The following STX7 variants were observed in gnomAD, a reference collection of about 807,000 sequenced individuals.
The protein encoded by STX7 is syntaxin 7.
Under a neutral mutation model 39.6 loss-of-function variants are expected in STX7, and 34 were observed. The ratio of observed to expected loss-of-function variants is 0.86; its 90% confidence interval spans 0.65 to 1.14. STX7 has a LOEUF of 1.14. Among genes scored for constraint, STX7 ranks in the 50% most tolerant of loss-of-function variants. The probability of loss-of-function intolerance (pLI) is 0.00; values close to 1 mark genes in which losing one functional copy is unlikely to be tolerated. For synonymous variants in STX7, 119 were observed against 99.1 expected (o/e 1.20, Z -1.19); for missense variants, 284 against 310.4 (o/e 0.92, Z 0.64).
chr6:132,492,457 G>T (rs1478596553), intron 2 of STX7, among the ~76,000 whole-genome samples: 1 of 152,114 alleles, frequency 6.6e-6, no homozygotes, highest in Non-Finnish European at 1.5e-5. Flanking sequence ...ACTCCATAAA[G>T]GCAGGTATTT....
chr6:132,495,151 T>C (rs1245052828), intron 2 of STX7, among the ~76,000 whole-genome samples: 4 of 152,164 alleles, frequency 2.6e-5, no homozygotes, highest in Non-Finnish European at 1.5e-5. Flanking sequence ...CCTTGAAGCA[T>C]CTTGGAGCCA....
chr6:132,471,221 T>C (rs1774712751), intron 5 of STX7, among the ~76,000 whole-genome samples: 1 of 152,212 alleles, frequency 6.6e-6, no homozygotes, highest in African/African-American at 2.4e-5. Context: ...ACAAAATATG[T>C]CTCTATATTT....
rs71030800 is a variant in STX7 at position 132,448,837 on chromosome 6, CAAAAAAAAAAAAA to C, written c.*11908_*11920del. 1 of 72,380 alleles carries C rather than the reference CAAAAAAAAAAAAA, an allele frequency of 1.4e-5. No individual in the cohort carries two copies. Among genetic ancestry groups the C allele is most frequent in the Non-Finnish European group, 2.5e-5 (1 of 39,418 alleles). 4.5% of individuals were successfully genotyped at this position (72,380 alleles called of 1,614,324 possible). A position where few individuals can be genotyped will look rare whatever the true frequency, so the allele number is the denominator to read the frequency against. On this transcript the variant is annotated 3_prime_UTR_variant, in exon 10 of 10. Transcript: ENST00000367941. Reference sequence around the variant, plus strand: ...TGGGTGACAGAGCAAGACTCTGTCTCAAAAAAAAAAAAAAAAAAAAAAGGTCTGTCAATTCGTT... The same window carrying C: ...TGGGTGACAGAGCAAGACTCTGTCTCAAAAAAAAAGGTCTGTCAATTCGTT...
At chr6:132,500,218 C>T (rs142904643) in intron 2 of STX7, among the ~76,000 whole-genome samples, 183 of 110,260 alleles carry the variant, frequency 1.7e-3, no homozygotes, top group African/African-American at 6.1e-3. Context: ...TATGTCTCTC[C>T]TCTGCTTAAA....
In STX7 at chr6:132,447,730, T is replaced by C. The variant is rs991721666; in HGVS notation, c.*13028A>G. The stretch of plus-strand genomic sequence containing the variant: ...ATACAGCTATCCTAACCAGGTATAT[T>C]TGCTTGTTTTATTTTCCCTAATTCT... On this transcript the variant is annotated 3_prime_UTR_variant, in exon 10 of 10. Transcript: ENST00000367941. 1.3e-5 allele frequency: 2 copies of C among 152,158 alleles called. No individual in the cohort carries two copies. Among genetic ancestry groups the C allele is most frequent in the African/African-American group, 4.8e-5 (2 of 41,450 alleles). 9.4% of individuals were successfully genotyped at this position (152,158 alleles called of 1,614,324 possible).
In STX7 at chr6:132,448,538, GAA is replaced by G. The variant is rs1774066363; in HGVS notation, c.*12218_*12219del. 6.6e-6 allele frequency: 1 copy of G among 152,136 alleles called. No homozygotes were observed. The highest frequency in any genetic ancestry group is 1.5e-5 in the Non-Finnish European group (1 of 68,056). 9.4% of individuals were successfully genotyped at this position (152,136 alleles called of 1,614,324 possible). On this transcript the variant is annotated 3_prime_UTR_variant, in exon 10 of 10. Transcript: ENST00000367941. ...TCTTTTGCCTTCCAGTTTTGGCACT[GAA>G]AAGTCTACTGTTGGCCAGGTGCAGT...
rs1418408173 is a variant in STX7, at chr6:132,448,917, A to G, written c.*11841T>C. On this transcript the variant is annotated 3_prime_UTR_variant, in exon 10 of 10. Transcript: ENST00000367941. ...ATAAGTTATTCTGGCTGCTTTTAAG[A>G]TATCTTTGCCTTTATTGTTCTGAAG... 2.0e-5 allele frequency: 3 copies of G among 150,370 alleles called. No individual in the cohort carries two copies. The highest frequency in any genetic ancestry group is 6.6e-5 in the Admixed American group (1 of 15,072). 9.3% of individuals were successfully genotyped at this position (150,370 alleles called of 1,614,324 possible).
intron 2 of STX7, among the ~76,000 whole-genome samples, chr6:132,482,042 T>C (rs1775026465): frequency 1.3e-5 from 2 of 152,200 alleles, no homozygotes; most frequent in Admixed American, 1.3e-4. Context: ...ATTTTGGTTT[T>C]TCCAGAATTT....
upstream of STX7, chr6:132,513,229 G>C (rs1333020262): frequency 2.0e-5 from 3 of 152,316 alleles, no homozygotes; most frequent in Non-Finnish European, 4.4e-5. Context: ...CTAAGGAATG[G>C]GGGTATCAGC....
intron 1 of STX7, among the ~76,000 whole-genome samples, chr6:132,511,750 A>T (rs948668171): frequency 2.6e-5 from 4 of 152,070 alleles, no homozygotes; most frequent in Admixed American, 2.0e-4. Flanking sequence ...TTTTTTTCAT[A>T]CTTTCACACA....
At chr6:132,503,796 A>G (rs1684829268) in intron 1 of STX7, among the ~76,000 whole-genome samples, 1 of 152,186 alleles carries the variant, frequency 6.6e-6, no homozygotes, top group South Asian at 2.1e-4. Context: ...TAAACACATC[A>G]AACAATTAAA....
intron 8 of STX7, 60 bp downstream of exon 8, chr6:132,468,343 C>T: frequency 7.7e-7 from 1 of 1,291,920 alleles, no homozygotes; most frequent in Non-Finnish European, 1.1e-6. Context: ...GAGAAAGTTA[C>T]AGCAGGTAAA....
Position 132,503,588 on chromosome 6 carries a change from C to T in STX7, c.-58G>A. 3 of 1,336,230 alleles carry T rather than the reference C, an allele frequency of 2.2e-6. No homozygotes were observed. Among genetic ancestry groups the T allele is most frequent in the Non-Finnish European group, 3.2e-6 (3 of 937,558 alleles). The allele number at this position is 1,336,230 out of a possible 1,614,324, so 82.8% of individuals were successfully genotyped here. On this transcript the variant is annotated splice_region_variant and 5_prime_UTR_variant, in exon 2 of 10. It adds an upstream start codon to the 5' untranslated region. Transcript: ENST00000367941. ...TGCTGTGCAGTTTTCTAAGCAGTCA[C>T]CTAAATAATATAAAAGTCACACAGA...
chr6:132,500,317 T>A (rs907248169), intron 2 of STX7, among the ~76,000 whole-genome samples: 3 of 152,192 alleles, frequency 2.0e-5, no homozygotes, highest in Non-Finnish European at 2.9e-5. Flanking sequence ...CAGACCCCTC[T>A]GGTTTCATCT....
chr6:132,451,457 T>G lies in STX7; in HGVS notation c.*9301A>C, dbSNP rs1774134790. The G allele has an allele frequency of 6.6e-6, 1 of 152,160 alleles. No homozygotes were observed. Among genetic ancestry groups the G allele is most frequent in the Non-Finnish European group, 1.5e-5 (1 of 68,022 alleles). The allele number at this position is 152,160 out of a possible 1,614,324, so 9.4% of individuals were successfully genotyped here. A position where few individuals can be genotyped will look rare whatever the true frequency, so the allele number is the denominator to read the frequency against. On this transcript the variant is annotated 3_prime_UTR_variant, in exon 10 of 10. Coordinates refer to ENST00000367941, the MANE Select transcript of STX7 (RefSeq NM_003569.3). ...AGAACTATAAACCTACAAGTCTATGTCTAATGTAAATATTCTTCAGATATC... is the reference window on the plus strand; with the variant it reads ...AGAACTATAAACCTACAAGTCTATGGCTAATGTAAATATTCTTCAGATATC...
chr6:132,505,798 A>G lies in STX7; in HGVS notation c.-58-2210T>C, dbSNP rs150933975. ...TTGAATAGCCAAAGCAATTTTAAGAAAAAGAACAAAGCTGGAGGCATCTCA... is the reference window on the plus strand; with the variant it reads ...TTGAATAGCCAAAGCAATTTTAAGAGAAAGAACAAAGCTGGAGGCATCTCA... On this transcript the variant is annotated intron_variant, in intron 1 of 9. Transcript: ENST00000367941. 5.5e-4 allele frequency among the ~76,000 whole-genome samples: 84 copies of G among 151,976 alleles called. No individual in the cohort carries two copies. The East Asian group carries it at 0.012, about 22-fold the overall frequency.
chr6:132,498,985 T>C (rs1240270471), intron 2 of STX7, among the ~76,000 whole-genome samples: 1 of 152,196 alleles, frequency 6.6e-6, no homozygotes, highest in Non-Finnish European at 1.5e-5. Flanking sequence ...GCCCATTCTC[T>C]ATCTGATGAC....
At chr6:132,495,592 T>A (rs1775403041) in intron 2 of STX7, among the ~76,000 whole-genome samples, 1 of 152,020 alleles carries the variant, frequency 6.6e-6, no homozygotes, top group African/African-American at 2.4e-5. Context: ...TCCAGTAAAT[T>A]CATTAATTTC....
At chr6:132,462,959 C>T (rs908006115) in intron 9 of STX7, among the ~76,000 whole-genome samples, 3 of 152,112 alleles carry the variant, frequency 2.0e-5, no homozygotes, top group Non-Finnish European at 2.9e-5. Context: ...TGGTGGCTCC[C>T]ATCTGTAATC....
Sources: gnomAD v4.1 joint callset for allele counts (sites outside exome capture counted in the v4.1 genomes callset) on GRCh38, gnomAD v4.1.1 for gene constraint, MANE v1.5 for transcripts, NCBI Gene and HGNC (gene_info 2026-07-23, HGNC 2026-07-21) for gene names.